The following AATK variants were observed in gnomAD, a reference collection of about 807,000 sequenced individuals.
AATK encodes the protein lemur tail kinase 1.
AATK carries 91 observed loss-of-function variants against 114.3 expected under a neutral mutation model. That is an observed-to-expected ratio of 0.80 (90% CI 0.67 to 0.95). The LOEUF (loss-of-function observed/expected upper bound fraction) is 0.95. AATK is among the 40% of genes least tolerant of loss of function. AATK has a pLI of 0.00. For missense variants in AATK, 2,176 were observed against 1,965.2 expected (o/e 1.11, Z -2.03); for synonymous variants, 1,075 against 916.5 (o/e 1.17, Z -3.12).
intron 4 of AATK, 31 bp from the exon 5 acceptor site, chr17:81,127,941 C>T (rs756104482): frequency 1.9e-6 from 3 of 1,546,910 alleles, no homozygotes; most frequent in South Asian, 2.4e-5. Context: ...CCCACGGCTG[C>T]TCCGCCTCCA....
At chr17:81,142,050 A>G (rs1189029123) in intron 1 of AATK, among the ~76,000 whole-genome samples, 1 of 150,026 alleles carries the variant, frequency 6.7e-6, no homozygotes, top group Non-Finnish European at 1.5e-5. Flanking sequence ...CCACCTCCCC[A>G]GTTCAAGTGA....
intron 1 of AATK, among the ~76,000 whole-genome samples, chr17:81,158,043 C>A (rs2061387686): frequency 6.6e-6 from 1 of 152,240 alleles, no homozygotes; most frequent in Non-Finnish European, 1.5e-5. Flanking sequence ...TGGGCTCAGG[C>A]TTGCCAAGGA....
chr17:81,122,894 G>A (rs2060718396), intron 10 of AATK, 71 bp from the exon 11 acceptor site: 5 of 1,339,094 alleles, frequency 3.7e-6, no homozygotes, highest in Non-Finnish European at 4.9e-6. Flanking sequence ...GAGCAGGGAT[G>A]GGGGTTCCCC....
intron 1 of AATK, chr17:81,165,658 G>A (rs2061479069): frequency 4.7e-6 from 7 of 1,494,382 alleles, no homozygotes; most frequent in Non-Finnish European, 5.4e-6. Flanking sequence ...AGGGGCCCAC[G>A]CAGGCCCTCC....
chr17:81,132,550 C>T, intron 2 of AATK: 1 of 180,190 alleles, frequency 5.5e-6, no homozygotes, highest in Non-Finnish European at 1.2e-5. Context: ...CTCTTGGGCC[C>T]TCCAATCCCA....
At chr17:81,161,770 G>A (rs929217418) in intron 1 of AATK, among the ~76,000 whole-genome samples, 24 of 152,206 alleles carry the variant, frequency 1.6e-4, no homozygotes, top group South Asian at 1.0e-3. Context: ...GAACTCTCCC[G>A]TGAGGCAGGG....
chr17:81,146,755 C>T (rs752824043), intron 1 of AATK, among the ~76,000 whole-genome samples: 26 of 151,774 alleles, frequency 1.7e-4, no homozygotes, highest in Non-Finnish European at 1.5e-5. Context: ...CTGCCCAATC[C>T]GTGAGAAAAT....
At chr17:81,145,517 G>T (rs2061204276) in intron 1 of AATK, among the ~76,000 whole-genome samples, 1 of 151,808 alleles carries the variant, frequency 6.6e-6, no homozygotes, top group Non-Finnish European at 1.5e-5. Flanking sequence ...CAGATCACCT[G>T]AGGTCAGGAC....
At chr17:81,124,453 G>A (rs111326884) in intron 9 of AATK, among the ~76,000 whole-genome samples, 15 of 152,258 alleles carry the variant, frequency 9.9e-5, no homozygotes, top group African/African-American at 2.9e-4. Context: ...CAAGGCCCCC[G>A]TCTCAGGACA....
chr17:81,164,637 T>C (rs4969263), intron 1 of AATK, among the ~76,000 whole-genome samples: 52,544 of 152,122 alleles, frequency 0.35, 9,315 homozygotes, highest in Non-Finnish European at 0.39. Flanking sequence ...CCGAGGGTCC[T>C]CTCTGTTCTG....
At chr17:81,127,722 G>A (rs1006335877) in intron 5 of AATK, 52 bp from the exon 6 acceptor site, 3 of 1,534,284 alleles carry the variant, frequency 2.0e-6, no homozygotes, top group Non-Finnish European at 1.8e-6. Flanking sequence ...GGGAGGGGGA[G>A]TCGGGCCGAG....
rs998331780 is a variant in AATK, at chr17:81,130,974, G to A, written c.334+87C>T. ...CCTGTGCTGCCCCCACTCCAGAGCT[G>A]AGTCTTCCGGTCTCCCCAGATCACA... is the stretch of plus-strand genomic sequence containing the variant. On this transcript the variant is annotated intron_variant, in intron 3 of 13. Coordinates refer to ENST00000326724, the MANE Select transcript of AATK (RefSeq NM_001080395.3). The A allele has an allele frequency of 1.6e-5, 24 of 1,463,314 alleles. No individual in the cohort carries two copies. The African/African-American group carries it at 3.1e-4, about 19-fold the overall frequency. The allele number at this position is 1,463,314 out of a possible 1,614,324, so 90.6% of individuals were successfully genotyped here.
rs367739588 is a variant in AATK, at chr17:81,138,355, GCA to G, written c.56-3856_56-3855del. Among the ~76,000 whole-genome samples, 298 of 107,878 alleles carry G rather than the reference GCA, an allele frequency of 2.8e-3. 7 individuals are homozygous for G. The Middle Eastern group carries it at 0.029, about 11-fold the overall frequency. 70.8% of individuals were successfully genotyped at this position (107,878 alleles called of 152,430 possible). A position where few individuals can be genotyped will look rare whatever the true frequency, so the allele number is the denominator to read the frequency against. ...CACATGCACACCCACACATACCCAC[GCA>G]CACACACTCCCATGGACACACGGGC... is the stretch of plus-strand genomic sequence containing the variant. On this transcript the variant is annotated intron_variant, in intron 1 of 13. Coordinates refer to ENST00000326724, the MANE Select transcript of AATK (RefSeq NM_001080395.3).
intron 3 of AATK, among the ~76,000 whole-genome samples, chr17:81,130,757 C>A (rs2146324374): frequency 6.6e-6 from 1 of 152,322 alleles, no homozygotes; most frequent in African/African-American, 2.4e-5. Flanking sequence ...CACCCCTGTC[C>A]CTGTGCATAG....
Position 81,120,039 on chromosome 17 carries a change from C to G in AATK, c.3780G>C (p.Lys1260Asn), listed in dbSNP as rs1480792054. ...CCCTAAGGAACGTAGGGGGCGATTC[C>G]TTGGCGCCCGGGAAGGGCTCCCCGA... ...RELGEPFPGA[K>N]ESPPTFLRGS... The change falls in exon 12 of 14, where the codon AAG (lysine) becomes AAC (asparagine). Residue 1260 changes from lysine to asparagine, a missense_variant. Physicochemically the swap from Lys to Asn is moderately conservative, Grantham distance 94 (BLOSUM62 0). Around this residue, in one of 4 missense-constraint regions of AATK, gnomAD observed 1,701 missense variants for 1,394.7 expected, o/e 1.22. Transcript: ENST00000326724. 1 of 1,456,262 alleles carries G rather than the reference C, an allele frequency of 6.9e-7. No homozygotes were observed. Among genetic ancestry groups the G allele is most frequent in the Admixed American group, 3.0e-5 (1 of 33,368 alleles). 90.2% of individuals were successfully genotyped at this position (1,456,262 alleles called of 1,614,324 possible).
intron 1 of AATK, chr17:81,160,181 C>G (rs1229012759): frequency 3.2e-5 from 28 of 864,226 alleles, no homozygotes; most frequent in Non-Finnish European, 3.8e-5. Flanking sequence ...ACGGCCCCCA[C>G]CCCCAGGCTG....
rs181327987 is a variant in AATK at position 81,121,188 on chromosome 17, G to C, written c.2748C>G (p.Gly916=). ...LDIPSSASDG[G]YEVFSPSATG... is the part of the protein sequence containing the mutation. ...TGGCCGACGGGCTGAAGACCTCATA[G>C]CCACCATCACTGGCTGAGGACGGGA... The change falls in exon 11 of 14, where the codon GGC becomes GGG. Residue 916 remains glycine, a synonymous_variant. Coordinates refer to ENST00000326724, the MANE Select transcript of AATK (RefSeq NM_001080395.3). 12 of 1,603,460 alleles carry C rather than the reference G, an allele frequency of 7.5e-6. No individual in the cohort carries two copies. Among genetic ancestry groups the C allele is most frequent in the Middle Eastern group, 1.7e-4 (1 of 6,048 alleles).
rs978748500 is a variant in AATK at position 81,121,650 on chromosome 17, T to C, written c.2286A>G (p.Thr762=). ...TACTGGCTGTCTCTGTCCAGGAGGG[T>C]GTAACCAGGCAGGGAGCAGGTGCCA... The part of the protein sequence containing the change: ...QGLAPAPCLV[T]PSWTETASSG... Residue 762 remains threonine, a synonymous_variant, in exon 11 of 14, where the codon ACA becomes ACG. Transcript: ENST00000326724. The C allele has an allele frequency of 1.3e-6, 2 of 1,498,414 alleles. No homozygotes were observed. Among genetic ancestry groups the C allele is most frequent in the African/African-American group, 2.8e-5 (2 of 71,692 alleles). The allele number at this position is 1,498,414 out of a possible 1,614,324, so 92.8% of individuals were successfully genotyped here.
intron 1 of AATK, among the ~76,000 whole-genome samples, chr17:81,161,370 C>T (rs1438913847): frequency 1.3e-5 from 2 of 152,198 alleles, no homozygotes; most frequent in Non-Finnish European, 2.9e-5. Flanking sequence ...TCTATCAGGC[C>T]CCAGTCATTG....
Sources: allele counts gnomAD v4.1 joint callset (sites outside exome capture counted in the v4.1 genomes callset), GRCh38; gene constraint gnomAD v4.1.1; regional missense constraint gnomAD v4.1.1; transcripts MANE v1.5; gene names NCBI Gene and HGNC (gene_info 2026-07-23, HGNC 2026-07-21).